Variants in STOX2 observed in about 807,000 individuals in gnomAD.
STOX2 encodes the protein storkhead box 2.
STOX2 carries 28 observed loss-of-function variants against 60.9 expected under a neutral mutation model. The observed-to-expected ratio is 0.46, with a 90% CI of 0.34 to 0.63. The LOEUF (loss-of-function observed/expected upper bound fraction) is 0.63. STOX2 is among the 30% of genes least tolerant of loss of function. STOX2 has a pLI of 0.01. For missense variants in STOX2, 1,024 were observed against 1,187.7 expected (o/e 0.86, Z 2.03); for synonymous variants, 472 against 463.9 (o/e 1.02, Z -0.22).
intron 1 of STOX2, among the ~76,000 whole-genome samples, chr4:183,877,417 GTA>G (rs772074969): frequency 1.8e-4 from 27 of 152,198 alleles, no homozygotes; most frequent in Non-Finnish European, 2.8e-4. Context: ...ACACCAGCCA[GTA>G]TGTTAGCATG....
At chr4:183,868,387 T>C (rs1186620854) in intron 1 of STOX2, among the ~76,000 whole-genome samples, 1 of 152,074 alleles carries the variant, frequency 6.6e-6, no homozygotes, top group Non-Finnish European at 1.5e-5. Context: ...GATTGTGCCA[T>C]TGCACTTCAG....
chr4:183,893,684 C>G (rs73870944), intron 1 of STOX2, among the ~76,000 whole-genome samples: 2,617 of 152,114 alleles, frequency 0.017, 55 homozygotes, highest in African/African-American at 0.057. Flanking sequence ...ACATATAAAA[C>G]TGTCTGATCC....
intron 1 of STOX2, among the ~76,000 whole-genome samples, chr4:183,839,560 G>A (rs1172313844): frequency 6.6e-6 from 1 of 152,188 alleles, no homozygotes; most frequent in Non-Finnish European, 1.5e-5. Flanking sequence ...AAACCTGAGG[G>A]GATTTCTCCA....
chr4:183,849,994 A>G (rs2111139577), intron 1 of STOX2, among the ~76,000 whole-genome samples: 1 of 147,610 alleles, frequency 6.8e-6, no homozygotes, highest in Non-Finnish European at 1.5e-5. Flanking sequence ...ATGGAGTTTC[A>G]CTCTTGTTGT....
chr4:183,951,081 TG>T (rs1743063624), intron 1 of STOX2, among the ~76,000 whole-genome samples: 1 of 151,466 alleles, frequency 6.6e-6, no homozygotes, highest in Non-Finnish European at 1.5e-5. Context: ...CCGGGCGTGG[TG>T]GCGGGCGCCT....
In STOX2 at chr4:184,001,098, A is replaced by C. The variant is rs764918688; in HGVS notation, c.167-227A>C. On this transcript the variant is annotated intron_variant, in intron 1 of 3. Coordinates refer to ENST00000308497, the MANE Select transcript of STOX2 (RefSeq NM_020225.3). The surrounding 1 kb of genome is among the most constrained non-coding windows in gnomAD (Gnocchi z 4.2). Reference sequence around the variant, plus strand: ...AATGAGATCTCGGATGTTAAAGGGAAGTTTTATTTGTTGAGGCAGTAGGAG... The same window carrying C: ...AATGAGATCTCGGATGTTAAAGGGACGTTTTATTTGTTGAGGCAGTAGGAG... Among the ~76,000 whole-genome samples, 2 of 152,160 alleles carry C rather than the reference A, an allele frequency of 1.3e-5. No individual in the cohort carries two copies. The highest frequency in any genetic ancestry group is 2.4e-5 in the African/African-American group (1 of 41,432).
rs539251323 is a variant in STOX2, at chr4:183,872,058, G to T, written c.364+74003G>T. 1.1e-4 allele frequency among the ~76,000 whole-genome samples: 17 copies of T among 152,126 alleles called. No individual in the cohort carries two copies. In the South Asian group the frequency reaches 3.5e-3, roughly 32 times the overall value. ...TGCCAAGACAGCATGGCATCGAGTG[G>T]AATCATTTTTTTTTTGAAACAGAGT... On this transcript the variant is annotated intron_variant, in intron 1 of 2. Transcript: ENST00000513034.
In STOX2 at chr4:183,856,976, A is replaced by C. The variant is rs200605016; in HGVS notation, c.364+58921A>C. On this transcript the variant is annotated intron_variant, in intron 1 of 2. Transcript: ENST00000513034. This position sits in a 1 kb window ranked among gnomAD's most constrained non-coding sequence, Gnocchi z 4.0. ...GGGAGGGAGATGAGTGGATAATTAG[A>C]TTAAATTGTGTGGTAGAGGCTGGGA... Among the ~76,000 whole-genome samples, 5 of 152,134 alleles carry C rather than the reference A, an allele frequency of 3.3e-5. No homozygotes were observed. Among genetic ancestry groups the C allele is most frequent in the African/African-American group, 1.2e-4 (5 of 41,408 alleles).
At chr4:183,869,153 C>T (rs965525274) in intron 1 of STOX2, among the ~76,000 whole-genome samples, 1 of 152,148 alleles carries the variant, frequency 6.6e-6, no homozygotes, top group Non-Finnish European at 1.5e-5. Context: ...GATGTAGACT[C>T]TTTTTAGTAT....
Position 184,017,222 on chromosome 4 carries a change from A to C in STOX2, c.2719A>C (p.Asn907His). 1 of 1,609,672 alleles carries C rather than the reference A, an allele frequency of 6.2e-7. No individual in the cohort carries two copies. The highest frequency in any genetic ancestry group is 8.5e-7 in the Non-Finnish European group (1 of 1,177,876). Residue 907 changes from asparagine (N) to histidine (H), a missense_variant, in exon 4 of 4, where the codon AAT (asparagine) becomes CAT (histidine). Coordinates refer to ENST00000308497, the MANE Select transcript of STOX2 (RefSeq NM_020225.3). ...NFRASAEPPT[N>H]EAEKLQKPSN... is the part of the protein sequence containing the mutation. The stretch of plus-strand genomic sequence containing the variant: ...CCGAGCGAGCGCGGAGCCCCCGACA[A>C]ATGAAGCTGAGAAGCTACAGAAACC...
chr4:183,909,354 A>G (rs1056778482), intron 1 of STOX2, among the ~76,000 whole-genome samples: 5 of 152,264 alleles, frequency 3.3e-5, no homozygotes, highest in Non-Finnish European at 5.9e-5. Context: ...TTTGTCACAT[A>G]AAATATTGAG....
rs115778187 is a variant in STOX2, at chr4:183,810,471, A to G, written c.364+12416A>G. 6.7e-3 allele frequency among the ~76,000 whole-genome samples: 1,014 copies of G among 152,334 alleles called. 12 individuals are homozygous for G. The highest frequency in any genetic ancestry group is 0.023 in the African/African-American group (967 of 41,578). Reference sequence around the variant, plus strand: ...ACACAGCATGGGCAAGTGGCAATTCATTGCCAAAGAAAGAGCTGGGTGGAA... The same window carrying G: ...ACACAGCATGGGCAAGTGGCAATTCGTTGCCAAAGAAAGAGCTGGGTGGAA... On this transcript the variant is annotated intron_variant, in intron 1 of 2. Transcript: ENST00000513034.
At chr4:183,962,171 G>T (rs1296230784) in intron 1 of STOX2, among the ~76,000 whole-genome samples, 1 of 152,172 alleles carries the variant, frequency 6.6e-6, no homozygotes, top group Admixed American at 6.5e-5. Flanking sequence ...CATAAGATTG[G>T]ATCCTCTGTA....
At chr4:183,977,852 TG>T (rs1329802567) in intron 1 of STOX2, among the ~76,000 whole-genome samples, 1 of 152,210 alleles carries the variant, frequency 6.6e-6, no homozygotes, top group Non-Finnish European at 1.5e-5. Context: ...CAACATCTGT[TG>T]ATCAGTGATG....
At chr4:183,924,738 C>T (rs1366088505) in intron 1 of STOX2, among the ~76,000 whole-genome samples, 1 of 152,106 alleles carries the variant, frequency 6.6e-6, no homozygotes, top group African/African-American at 2.4e-5. Context: ...TAGAGATAGG[C>T]TCGCAAGGGT....
intron 1 of STOX2, among the ~76,000 whole-genome samples, chr4:183,924,031 A>G (rs866493403): frequency 3.1e-4 from 47 of 152,140 alleles, no homozygotes; most frequent in African/African-American, 1.1e-3. Context: ...GTAGCTTGGG[A>G]TGGGGTCCAG....
intron 1 of STOX2, among the ~76,000 whole-genome samples, chr4:183,851,236 A>G: frequency 1.3e-5 from 1 of 77,522 alleles, no homozygotes; most frequent in African/African-American, 4.8e-5. Context: ...GATGAGGGAA[A>G]GGATGAGGGA....
chr4:183,871,615 C>T (rs909437092), intron 1 of STOX2, among the ~76,000 whole-genome samples: 1 of 152,124 alleles, frequency 6.6e-6, no homozygotes, highest in Non-Finnish European at 1.5e-5. Flanking sequence ...ACTCACTGCT[C>T]ACTGTATCTG....
intron 1 of STOX2, among the ~76,000 whole-genome samples, chr4:183,809,935 T>C (rs990407928): frequency 2.0e-5 from 3 of 152,246 alleles, no homozygotes; most frequent in African/African-American, 7.2e-5. Flanking sequence ...TCTTTTATTC[T>C]CCAAAAAATT....
Sources: allele counts gnomAD v4.1 joint callset (sites outside exome capture counted in the v4.1 genomes callset), GRCh38; gene constraint gnomAD v4.1.1; non-coding constraint Gnocchi (gnomAD v3.1); transcripts MANE v1.5; gene names NCBI Gene and HGNC (gene_info 2026-07-23, HGNC 2026-07-21).